The following GRIA2 variants were observed in gnomAD, a reference collection of about 807,000 sequenced individuals.
The protein encoded by GRIA2 is glutamate receptor 2.
Under a neutral mutation model 97.3 loss-of-function variants are expected in GRIA2, and 14 were observed. That is an observed-to-expected ratio of 0.14 (90% CI 0.10 to 0.23). The LOEUF (loss-of-function observed/expected upper bound fraction) is 0.23, where lower values mean the gene tolerates loss of function less well. Among genes scored for constraint, GRIA2 ranks in the 10% least tolerant of loss-of-function variants. The pLI is 1.00. For synonymous variants in GRIA2, 412 were observed against 387.8 expected, an observed-to-expected ratio of 1.06 and a Z score of -0.73; for missense variants, 558 against 1,069.8, an observed-to-expected ratio of 0.52 and a Z score of 6.67.
intron 2 of GRIA2, among the ~76,000 whole-genome samples, chr4:157,282,574 C>T (rs111763244): frequency 0.031 from 4,776 of 151,922 alleles, 83 homozygotes; most frequent in Middle Eastern, 0.079. Flanking sequence ...ATGAGGCAGA[C>T]GGAGACAAAA....
chr4:157,365,651 T>G lies in GRIA2; in HGVS notation c.*2220T>G, dbSNP rs2127011220. On this transcript the variant is annotated 3_prime_UTR_variant, in exon 16 of 16. Coordinates refer to ENST00000264426, the MANE Select transcript of GRIA2 (RefSeq NM_001083619.3). ...GTTACAAGCAGTACTCATAGTTTAATATCCATGTAACGGTGCATCAATATA... is the reference window on the plus strand; with the variant it reads ...GTTACAAGCAGTACTCATAGTTTAAGATCCATGTAACGGTGCATCAATATA... 1 of 152,138 alleles carries G rather than the reference T, an allele frequency of 6.6e-6. No individual in the cohort carries two copies. The highest frequency in any genetic ancestry group is 2.4e-5 in the African/African-American group (1 of 41,532). The allele number at this position is 152,138 out of a possible 1,614,324, so 9.4% of individuals were successfully genotyped here.
chr4:157,292,641 A>C (rs1395729734), intron 2 of GRIA2, among the ~76,000 whole-genome samples: 1 of 152,110 alleles, frequency 6.6e-6, no homozygotes, highest in Non-Finnish European at 1.5e-5. Flanking sequence ...TTAAAGGGTA[A>C]TCTAATAGTA....
At chr4:157,363,242 T>A in intron 15 of GRIA2, 193 bp from the exon 16 acceptor site, 1 of 662,448 alleles carries the variant, frequency 1.5e-6, no homozygotes, top group Non-Finnish European at 2.5e-6. Flanking sequence ...GTAGCTTGGG[T>A]GAATGTGGAC....
intron 2 of GRIA2, among the ~76,000 whole-genome samples, chr4:157,261,629 T>A (rs1731540070): frequency 6.6e-6 from 1 of 152,060 alleles, no homozygotes; most frequent in African/African-American, 2.4e-5. Context: ...TGAAAGACAA[T>A]ATGTGGAAAT....
At chr4:157,287,524 G>T (rs192306662) in intron 2 of GRIA2, among the ~76,000 whole-genome samples, 204 of 151,698 alleles carry the variant, frequency 1.3e-3, no homozygotes, top group African/African-American at 4.7e-3. Context: ...GGGAGCATAT[G>T]TGTTTATTTG....
rs767729175 is a variant in GRIA2, at chr4:157,334,005, T to G, written c.1156-5T>G. On this transcript the variant is annotated splice_polypyrimidine_tract_variant and splice_region_variant and intron_variant, in intron 8 of 15. Coordinates refer to ENST00000264426, the MANE Select transcript of GRIA2 (RefSeq NM_001083619.3). ...CATACACCTGTCTGCTGTAACCTTT[T>G]CCAGATTGGCTACTGGAGTGAAGTG... 1 of 1,470,570 alleles carries G rather than the reference T, an allele frequency of 6.8e-7. No homozygotes were observed. The highest frequency in any genetic ancestry group is 1.4e-5 in the African/African-American group (1 of 71,996). 91.1% of individuals were successfully genotyped at this position (1,470,570 alleles called of 1,614,324 possible).
chr4:157,321,678 G>T (rs1734576412), intron 6 of GRIA2, 79 bp downstream of exon 6: 1 of 953,088 alleles, frequency 1.0e-6, no homozygotes, highest in Admixed American at 2.3e-5. Context: ...GGAGGAAGGA[G>T]AAAATAATAA....
At chr4:157,319,007 G>T (rs1734442299) in intron 5 of GRIA2, among the ~76,000 whole-genome samples, 1 of 152,136 alleles carries the variant, frequency 6.6e-6, no homozygotes, top group South Asian at 2.1e-4. Context: ...TTTAGAATAT[G>T]AAATCTCAAA....
At chr4:157,223,569 T>C (rs1475517677) in intron 2 of GRIA2, among the ~76,000 whole-genome samples, 1 of 152,234 alleles carries the variant, frequency 6.6e-6, no homozygotes, top group Non-Finnish European at 1.5e-5. Flanking sequence ...TCATTTGATA[T>C]CAGTAAGTTC....
chr4:157,313,771 G>C (rs1229976771), intron 4 of GRIA2, among the ~76,000 whole-genome samples: 2 of 151,748 alleles, frequency 1.3e-5, no homozygotes, highest in East Asian at 3.9e-4. Context: ...ATGCATATAT[G>C]TACATATATA....
At position 157,344,377 on chromosome 4, in the gene GRIA2, T is replaced by A. The variant is rs547057224; in HGVS notation, c.2043+2915T>A. On this transcript the variant is annotated intron_variant, in intron 12 of 15. Coordinates refer to ENST00000264426, the MANE Select transcript of GRIA2 (RefSeq NM_001083619.3). The stretch of plus-strand genomic sequence containing the variant: ...GTCCTAAGGAATTTTGGGGCTTCTG[T>A]GTAAGGTAGATACAGAACAGAGTGA... 5.3e-5 allele frequency among the ~76,000 whole-genome samples: 8 copies of A among 152,152 alleles called. No individual in the cohort carries two copies. The South Asian group carries it at 1.7e-3, about 32-fold the overall frequency.
At chr4:157,344,789 G>A (rs982859488) in intron 12 of GRIA2, among the ~76,000 whole-genome samples, 6 of 151,922 alleles carry the variant, frequency 3.9e-5, no homozygotes, top group Non-Finnish European at 7.4e-5. Context: ...ATTTAGCATC[G>A]CAGACATGGA....
At chr4:157,275,691 T>C (rs1732270412) in intron 2 of GRIA2, among the ~76,000 whole-genome samples, 1 of 152,164 alleles carries the variant, frequency 6.6e-6, no homozygotes, top group South Asian at 2.1e-4. Flanking sequence ...ATATGTGGCA[T>C]TATTTCTGAG....
intron 4 of GRIA2, among the ~76,000 whole-genome samples, chr4:157,313,794 T>A (rs139768279): frequency 1.4e-3 from 206 of 152,188 alleles, no homozygotes; most frequent in African/African-American, 4.7e-3. Context: ...TGCACATATA[T>A]GTATTTATAC....
intron 2 of GRIA2, among the ~76,000 whole-genome samples, chr4:157,229,621 G>T (rs191190339): frequency 7.3e-4 from 111 of 152,122 alleles, no homozygotes; most frequent in African/African-American, 2.0e-3. Flanking sequence ...TTTTTCTTCA[G>T]AATTTTACTT....
intron 2 of GRIA2, among the ~76,000 whole-genome samples, chr4:157,247,422 T>C (rs944834994): frequency 1.3e-5 from 2 of 152,166 alleles, no homozygotes; most frequent in Admixed American, 6.5e-5. Context: ...TGGTCATGAC[T>C]TGTGACTCTT....
intron 2 of GRIA2, among the ~76,000 whole-genome samples, chr4:157,283,630 C>A (rs1052921966): frequency 6.6e-6 from 1 of 151,712 alleles, no homozygotes; most frequent in Non-Finnish European, 1.5e-5. Context: ...TGGAAATAAA[C>A]CTTTTAGTGG....
intron 6 of GRIA2, among the ~76,000 whole-genome samples, chr4:157,329,895 T>G (rs1333686422): frequency 1.3e-5 from 2 of 151,928 alleles, no homozygotes; most frequent in South Asian, 4.1e-4. Context: ...CCATTGGTCA[T>G]CATAATTACC....
chr4:157,277,313 G>A (rs922317905), intron 2 of GRIA2, among the ~76,000 whole-genome samples: 1 of 151,794 alleles, frequency 6.6e-6, no homozygotes, highest in Non-Finnish European at 1.5e-5. Flanking sequence ...TGCAGAAAAA[G>A]CATTTGACAA....
Sources: allele counts gnomAD v4.1 joint callset (sites outside exome capture counted in the v4.1 genomes callset), GRCh38; gene constraint gnomAD v4.1.1; transcripts MANE v1.5; gene names NCBI Gene and HGNC (gene_info 2026-07-23, HGNC 2026-07-21).